Variants in TXNDC8 observed in about 807,000 individuals in gnomAD.
TXNDC8 encodes the protein thioredoxin domain containing 8.
Under a neutral mutation model 12.9 loss-of-function variants are expected in TXNDC8, and 15 were observed. The ratio of observed to expected loss-of-function variants is 1.16; its 90% CI spans 0.78 to 1.79. The LOEUF is 1.79. Ranked by LOEUF, TXNDC8 falls within the 40% of genes most tolerant of loss-of-function variation. TXNDC8 has a pLI of 0.00. For missense variants in TXNDC8, 128 were observed against 113.2 expected (o/e 1.13, Z -0.59); for synonymous variants, 40 against 35.4 (o/e 1.13, Z -0.46).
intron 1 of TXNDC8, 107 bp downstream of exon 1, chr9:110,337,666 T>C (rs992195491): frequency 2.9e-6 from 3 of 1,038,712 alleles, no homozygotes; most frequent in Non-Finnish European, 4.4e-6. Context: ...CTTGCTACAA[T>C]GCAATGATAG....
chr9:110,317,993 A>G (rs1026949865), intron 3 of TXNDC8, among the ~76,000 whole-genome samples: 3 of 152,242 alleles, frequency 2.0e-5, no homozygotes, highest in Admixed American at 6.5e-5. Context: ...ATACACATCA[A>G]TATTGATGAT....
At chr9:110,335,446 T>C (rs1358245575) in intron 1 of TXNDC8, among the ~76,000 whole-genome samples, 1 of 152,182 alleles carries the variant, frequency 6.6e-6, no homozygotes, top group African/African-American at 2.4e-5. Flanking sequence ...TACATAGTAC[T>C]CTGTTCAAGA....
chr9:110,335,548 C>A (rs528907910), intron 1 of TXNDC8, among the ~76,000 whole-genome samples: 1 of 152,216 alleles, frequency 6.6e-6, no homozygotes, highest in Non-Finnish European at 1.5e-5. Flanking sequence ...AACACTACAA[C>A]GTGTGTACTA....
At chr9:110,335,277 T>C (rs1587996975) in intron 1 of TXNDC8, among the ~76,000 whole-genome samples, 1 of 152,106 alleles carries the variant, frequency 6.6e-6, no homozygotes, top group African/African-American at 2.4e-5. Flanking sequence ...TGGCTGTTCA[T>C]CCAGGCTGGG....
chr9:110,317,137 C>T (rs997418840), intron 3 of TXNDC8, among the ~76,000 whole-genome samples: 5 of 152,176 alleles, frequency 3.3e-5, no homozygotes, highest in Middle Eastern at 3.2e-3. Context: ...GAATTCACCT[C>T]AAGCCACACC....
intron 3 of TXNDC8, among the ~76,000 whole-genome samples, chr9:110,325,050 T>G (rs909783025): frequency 6.6e-6 from 1 of 152,116 alleles, no homozygotes; most frequent in Non-Finnish European, 1.5e-5. Context: ...AGGCGGAGGT[T>G]GCAGTGAGCT....
At chr9:110,336,311 C>G (rs1839758323) in intron 1 of TXNDC8, among the ~76,000 whole-genome samples, 2 of 152,184 alleles carry the variant, frequency 1.3e-5, no homozygotes, top group Admixed American at 6.5e-5. Flanking sequence ...AAAGTGATGA[C>G]TCAAAGAAGA....
At chr9:110,317,686 A>G (rs1358143281) in intron 3 of TXNDC8, among the ~76,000 whole-genome samples, 1 of 152,262 alleles carries the variant, frequency 6.6e-6, no homozygotes, top group Non-Finnish European at 1.5e-5. Flanking sequence ...AGGGAATAGT[A>G]GGAAGTCTGT....
intron 2 of TXNDC8, 93 bp from the exon 3 acceptor site, chr9:110,329,384 C>G (rs1216862159): frequency 1.1e-6 from 1 of 935,128 alleles, no homozygotes; most frequent in Non-Finnish European, 1.6e-6. Flanking sequence ...GAAAATTGAA[C>G]AGAAAGGCTG....
At chr9:110,329,107 TA>T (rs1839451416) in intron 2 of TXNDC8, 124 bp downstream of exon 3, 1 of 793,332 alleles carries the variant, frequency 1.3e-6, no homozygotes, top group African/African-American at 1.8e-5. Flanking sequence ...CTGTAGTTAT[TA>T]GAAAAAATGT....
chr9:110,333,668 A>G (rs1839632184), intron 2 of TXNDC8, among the ~76,000 whole-genome samples: 1 of 152,210 alleles, frequency 6.6e-6, no homozygotes, highest in Non-Finnish European at 1.5e-5. Context: ...GGGTGTATAC[A>G]TATGTCCCAA....
chr9:110,337,777 T>C lies in TXNDC8; in HGVS notation c.20A>G (p.Asp7Gly), dbSNP rs1416143696. The C allele has an allele frequency of 2.0e-5, 32 of 1,613,868 alleles. No homozygotes were observed. The East Asian group carries it at 7.1e-4, about 36-fold the overall frequency. Residue 7 changes from aspartate (D) to glycine (G), a missense_variant, in exon 1 of 5, where the codon GAC (aspartate) becomes GGC (glycine). Asp to Gly is a moderately conservative substitution (Grantham distance 94, BLOSUM62 -1). Transcript: ENST00000423740. Reference sequence around the variant, plus strand: ...TGAAGCCAAATAAATACTTGCCGTGTCTTTAATAATCTGTACCATGATTAC... The same window carrying C: ...TGAAGCCAAATAAATACTTGCCGTGCCTTTAATAATCTGTACCATGATTAC...
rs13283053 is a variant in TXNDC8, at chr9:110,309,987, G to A, written c.196-5455C>T. Among the ~76,000 whole-genome samples the A allele has an allele frequency of 1.0e-3, 137 of 134,888 alleles. 1 individual carries two copies. Among genetic ancestry groups the A allele is most frequent in the Middle Eastern group, 4.2e-3 (1 of 240 alleles). The allele number at this position is 134,888 out of a possible 152,430, so 88.5% of individuals were successfully genotyped here. Reference sequence around the variant, plus strand: ...TCTCAGTTCCTTTTATTAAGAAAAAGAAAGTGGGAAACCAATAATCTAAGA... The same window carrying A: ...TCTCAGTTCCTTTTATTAAGAAAAAAAAAGTGGGAAACCAATAATCTAAGA... On this transcript the variant is annotated intron_variant, in intron 3 of 4. Transcript: ENST00000423740.
chr9:110,336,661 G>T (rs1839773399), intron 1 of TXNDC8, among the ~76,000 whole-genome samples: 1 of 152,010 alleles, frequency 6.6e-6, no homozygotes, highest in South Asian at 2.1e-4. Context: ...ACAAAAACTA[G>T]GCATTCTGTC....
chr9:110,312,049 C>T (rs1838709656), intron 3 of TXNDC8, among the ~76,000 whole-genome samples: 1 of 151,530 alleles, frequency 6.6e-6, no homozygotes, highest in Admixed American at 6.6e-5. Flanking sequence ...GAGTTATCTG[C>T]ATGGACTGAA....
At chr9:110,303,182 A>G (rs977071802), downstream of TXNDC8, among the ~76,000 whole-genome samples, 12 of 152,202 alleles carry the variant, frequency 7.9e-5, no homozygotes, top group African/African-American at 2.9e-4. Context: ...TTCCTTGACC[A>G]CTGGGAAGAA....
chr9:110,332,091 T>C (rs962566421), intron 2 of TXNDC8, among the ~76,000 whole-genome samples: 3 of 152,258 alleles, frequency 2.0e-5, no homozygotes, highest in African/African-American at 7.2e-5. Flanking sequence ...TCTGTGCTGT[T>C]CTGAAGAGTG....
chr9:110,309,312 A>C (rs542433305), intron 3 of TXNDC8, among the ~76,000 whole-genome samples: 1 of 152,156 alleles, frequency 6.6e-6, no homozygotes, highest in Non-Finnish European at 1.5e-5. Flanking sequence ...CCTACAGGAA[A>C]ATCCCCCCAA....
At chr9:110,319,285 T>C (rs10980324) in intron 3 of TXNDC8, among the ~76,000 whole-genome samples, 13,964 of 152,248 alleles carry the variant, frequency 0.092, 1,026 homozygotes, top group African/African-American at 0.19. Flanking sequence ...TTAGCTTAAA[T>C]GGATGTTGTA....
Sources: allele counts gnomAD v4.1 joint callset (sites outside exome capture counted in the v4.1 genomes callset), GRCh38; gene constraint gnomAD v4.1.1; transcripts MANE v1.5; gene names NCBI Gene and HGNC (gene_info 2026-07-23, HGNC 2026-07-21).